CDC14A: variants seen among roughly 807,000 people sequenced by gnomAD.
CDC14A encodes cell division cycle 14A.
Under a neutral mutation model 74.4 loss-of-function variants are expected in CDC14A, and 53 were observed. The ratio of observed to expected loss-of-function variants is 0.71; its 90% CI spans 0.57 to 0.89. CDC14A has a LOEUF of 0.89. CDC14A is among the 40% of genes least tolerant of loss of function. CDC14A has a pLI of 0.00. For missense variants in CDC14A, 646 were observed against 713.7 expected, an observed-to-expected ratio of 0.91 and a Z score of 1.08; for synonymous variants, 247 against 258.4, an observed-to-expected ratio of 0.96 and a Z score of 0.43.
chr1:100,441,825 G>C (rs1475222116), intron 6 of CDC14A, among the ~76,000 whole-genome samples: 1 of 151,940 alleles, frequency 6.6e-6, no homozygotes, highest in African/African-American at 2.4e-5. Flanking sequence ...ATAGTTCTGG[G>C]GTGGGGCCCA....
upstream of CDC14A, among the ~76,000 whole-genome samples, chr1:100,347,533 T>C (rs1650530776): frequency 1.3e-5 from 2 of 152,246 alleles, 1 homozygote; most frequent in Non-Finnish European, 2.9e-5. Context: ...TAAGGTCTTA[T>C]CATTTGCGGG....
At chr1:100,420,055 C>CCATATATATATATAT (rs1553180489) in intron 4 of CDC14A, among the ~76,000 whole-genome samples, 2 of 21,052 alleles carry the variant, frequency 9.5e-5, no homozygotes, top group African/African-American at 3.4e-4. Context: ...CACACACACA[C>CCATATATATATATAT]ACACACACAT....
At chr1:100,373,373 T>G (rs750567652) in intron 2 of CDC14A, among the ~76,000 whole-genome samples, 12 of 152,200 alleles carry the variant, frequency 7.9e-5, no homozygotes, top group Middle Eastern at 3.2e-3. Flanking sequence ...CCCAAAACAA[T>G]TACAGTAGTA....
At chr1:100,467,801 A>G (rs1241846757) in intron 9 of CDC14A, among the ~76,000 whole-genome samples, 155 bp from the exon 10 acceptor site, 1 of 152,202 alleles carries the variant, frequency 6.6e-6, no homozygotes, top group Non-Finnish European at 1.5e-5. Flanking sequence ...TTAAAGAAAA[A>G]TTGGGTTTTA....
At chr1:100,475,181 C>G (rs959689537) in intron 10 of CDC14A, among the ~76,000 whole-genome samples, 4 of 152,140 alleles carry the variant, frequency 2.6e-5, no homozygotes, top group African/African-American at 9.7e-5. Context: ...TCTCATCTCT[C>G]CATTCTGCCA....
At chr1:100,364,683 A>G (rs184092483) in intron 2 of CDC14A, among the ~76,000 whole-genome samples, 1 of 152,348 alleles carries the variant, frequency 6.6e-6, no homozygotes, top group Admixed American at 6.5e-5. Context: ...AGTACTAGCC[A>G]TTGAATAATG....
At chr1:100,422,268 C>T (rs994460944) in intron 4 of CDC14A, among the ~76,000 whole-genome samples, 1 of 152,174 alleles carries the variant, frequency 6.6e-6, no homozygotes, top group Non-Finnish European at 1.5e-5. Flanking sequence ...TGGTGCCTCC[C>T]TCTTGCAGAA....
rs1650542018 is a variant in CDC14A, at chr1:100,519,829, G to A, written c.*1549G>A. 6.6e-6 allele frequency: 1 copy of A among 152,342 alleles called. No individual in the cohort carries two copies. The highest frequency in any genetic ancestry group is 2.4e-5 in the African/African-American group (1 of 41,374). The allele number at this position is 152,342 out of a possible 1,614,324, so 9.4% of individuals were successfully genotyped here. ...TTAAAAAAGTAAAATATTTTATTAT[G>A]AGTTATTATAAAAATTGGTTAATTG... On this transcript the variant is annotated 3_prime_UTR_variant, in exon 16 of 16. Transcript: ENST00000336454.
At chr1:100,423,379 T>C (rs556661937) in intron 4 of CDC14A, among the ~76,000 whole-genome samples, 14 of 152,290 alleles carry the variant, frequency 9.2e-5, no homozygotes, top group Admixed American at 7.8e-4. Flanking sequence ...CAGAGACCCC[T>C]CCCTGACTAC....
At chr1:100,367,376 T>C (rs1323474722) in intron 2 of CDC14A, among the ~76,000 whole-genome samples, 1 of 152,198 alleles carries the variant, frequency 6.6e-6, no homozygotes, top group Non-Finnish European at 1.5e-5. Flanking sequence ...GTGAAGAAGG[T>C]TCTTACAAAG....
At chr1:100,503,803 G>A (rs185042959) in intron 15 of CDC14A, among the ~76,000 whole-genome samples, 9 of 152,342 alleles carry the variant, frequency 5.9e-5, no homozygotes, top group African/African-American at 1.7e-4. Context: ...TGATTATGGT[G>A]TAGGTGGGGT....
chr1:100,498,981 A>G lies in CDC14A; in HGVS notation c.1474A>G (p.Thr492Ala). The G allele has an allele frequency of 6.2e-7, 1 of 1,614,186 alleles. No homozygotes were observed. Among genetic ancestry groups the G allele is most frequent in the Non-Finnish European group, 8.5e-7 (1 of 1,180,020 alleles). Residue 492 changes from threonine (T) to alanine (A), a missense_variant, in exon 15 of 16, where the codon ACA becomes GCA. By Grantham distance (58) the Thr-to-Ala change is moderately conservative. Coordinates refer to ENST00000336454, the MANE Select transcript of CDC14A (RefSeq NM_003672.4). Reference protein sequence around the residue: ...ASSLGNLNAATDDPENKKTSS... With the variant: ...ASSLGNLNAAADDPENKKTSS... ...TTCTCTAGGGAACTTGAATGCTGCA[A>G]CAGATGATCCAGAGAACAAAAAGAC...
At chr1:100,426,953 A>G (rs1033977647) in intron 5 of CDC14A, among the ~76,000 whole-genome samples, 1 of 152,222 alleles carries the variant, frequency 6.6e-6, no homozygotes, top group Non-Finnish European at 1.5e-5. Flanking sequence ...AAAGAATACT[A>G]CTAGTTTTCT....
At chr1:100,509,373 C>G (rs1476972172) in intron 15 of CDC14A, among the ~76,000 whole-genome samples, 1 of 152,150 alleles carries the variant, frequency 6.6e-6, no homozygotes, top group Admixed American at 6.5e-5. Flanking sequence ...CCTTGAATCC[C>G]CACTGAATTC....
chr1:100,451,120 C>T (rs78778055), intron 7 of CDC14A, among the ~76,000 whole-genome samples: 22,000 of 152,210 alleles, frequency 0.14, 1,807 homozygotes, highest in Non-Finnish European at 0.17. Flanking sequence ...TGGTTATACA[C>T]ACTTTGTATG....
intron 2 of CDC14A, among the ~76,000 whole-genome samples, chr1:100,360,348 CTTT>C (rs60630066): frequency 6.9e-6 from 1 of 144,722 alleles, no homozygotes. Context: ...ATAGTTAGTT[CTTT>C]TTTTTTTTTT....
intron 8 of CDC14A, 108 bp downstream of exon 8, chr1:100,455,600 A>G (rs1383796181): frequency 5.8e-6 from 4 of 695,486 alleles, no homozygotes; most frequent in Non-Finnish European, 7.3e-6. Context: ...TCCAAAGAAT[A>G]TTTATTCATA....
chr1:100,440,616 T>C (rs1664817694), intron 6 of CDC14A, among the ~76,000 whole-genome samples: 1 of 152,210 alleles, frequency 6.6e-6, no homozygotes, highest in African/African-American at 2.4e-5. Flanking sequence ...GGGCTCAAAG[T>C]ACATAATCTC....
chr1:100,459,795 C>T (rs1040002927), intron 8 of CDC14A, among the ~76,000 whole-genome samples: 4 of 152,140 alleles, frequency 2.6e-5, no homozygotes, highest in African/African-American at 2.4e-5. Flanking sequence ...ACCAATCTCT[C>T]GCAAAAAGCA....
Sources: allele counts gnomAD v4.1 joint callset (sites outside exome capture counted in the v4.1 genomes callset), GRCh38; gene constraint gnomAD v4.1.1; transcripts MANE v1.5; gene names NCBI Gene and HGNC (gene_info 2026-07-23, HGNC 2026-07-21).